Variants in NPAS2 observed in about 807,000 individuals in gnomAD.
The protein encoded by NPAS2 is neuronal PAS domain protein 2.
Under a neutral mutation model 107.5 loss-of-function variants are expected in NPAS2, and 23 were observed. The ratio of observed to expected loss-of-function variants is 0.21; its 90% CI spans 0.15 to 0.30. The LOEUF is 0.30. Among genes scored for constraint, NPAS2 ranks in the 10% least tolerant of loss-of-function variants. The probability of loss-of-function intolerance (pLI) is 1.00; values close to 1 mark genes in which losing one functional copy is unlikely to be tolerated. For missense variants in NPAS2, 756 were observed against 1,043.3 expected, an observed-to-expected ratio of 0.72 and a Z score of 3.79; for synonymous variants, 403 against 417.5, an observed-to-expected ratio of 0.97 and a Z score of 0.42.
chr2:100,980,516 C>T (rs1677373317), intron 15 of NPAS2, among the ~76,000 whole-genome samples: 1 of 152,036 alleles, frequency 6.6e-6, no homozygotes, highest in Admixed American at 6.6e-5. Context: ...GTTGCCCAGG[C>T]TGGAGTGCAG....
At chr2:100,933,299 G>C (rs3754674) in intron 4 of NPAS2, among the ~76,000 whole-genome samples, 50,482 of 152,040 alleles carry the variant, frequency 0.33, 8,652 homozygotes, top group Non-Finnish European at 0.39. Context: ...GTTCGAGGTA[G>C]GTAGAGAGAG....
intron 1 of NPAS2, among the ~76,000 whole-genome samples, chr2:100,845,044 G>T (rs893945641): frequency 6.6e-6 from 1 of 152,208 alleles, no homozygotes; most frequent in Non-Finnish European, 1.5e-5. Context: ...ACAGTGGAAA[G>T]AAGGGAAGGC....
At chr2:100,955,649 G>C (rs972084364) in intron 7 of NPAS2, among the ~76,000 whole-genome samples, 2 of 151,696 alleles carry the variant, frequency 1.3e-5, no homozygotes, top group African/African-American at 4.8e-5. Flanking sequence ...ACTGGATTGT[G>C]TCACTCCTGG....
intron 1 of NPAS2, among the ~76,000 whole-genome samples, chr2:100,823,924 A>C (rs150481685): frequency 6.6e-6 from 1 of 152,272 alleles, no homozygotes; most frequent in East Asian, 1.9e-4. Flanking sequence ...GCAAGAAATA[A>C]AATGCAGATT....
At chr2:100,936,380 T>C (rs1684300272) in intron 4 of NPAS2, among the ~76,000 whole-genome samples, 1 of 152,202 alleles carries the variant, frequency 6.6e-6, no homozygotes, top group African/African-American at 2.4e-5. Flanking sequence ...TTCACTTTTT[T>C]TCCTAAGCAG....
At chr2:100,917,671 T>A (rs962923358) in intron 2 of NPAS2, among the ~76,000 whole-genome samples, 1 of 152,178 alleles carries the variant, frequency 6.6e-6, no homozygotes, top group Admixed American at 6.5e-5. Flanking sequence ...AAGGAAATAC[T>A]ATGAACAATT....
intron 2 of NPAS2, among the ~76,000 whole-genome samples, chr2:100,924,138 G>A (rs534336756): frequency 2.6e-5 from 4 of 152,172 alleles, no homozygotes; most frequent in Non-Finnish European, 5.9e-5. Flanking sequence ...AAGACACAGA[G>A]CGTTCCCATA....
chr2:100,849,332 A>G (rs908907314), intron 1 of NPAS2, among the ~76,000 whole-genome samples: 1 of 152,154 alleles, frequency 6.6e-6, no homozygotes, highest in Non-Finnish European at 1.5e-5. Context: ...CCTAATTGTG[A>G]CACCAATAAA....
chr2:100,900,279 A>G (rs920911889), intron 1 of NPAS2, among the ~76,000 whole-genome samples: 4 of 152,192 alleles, frequency 2.6e-5, no homozygotes, highest in African/African-American at 9.6e-5. Context: ...TTTTTTAAGC[A>G]GGCAAAAGAA....
intron 5 of NPAS2, among the ~76,000 whole-genome samples, chr2:100,942,226 T>C (rs982137161): frequency 6.6e-6 from 1 of 152,090 alleles, no homozygotes; most frequent in Non-Finnish European, 1.5e-5. Flanking sequence ...GAATGGGATA[T>C]GGAGCCAAGT....
At chr2:100,899,873 G>A (rs1681661298) in intron 1 of NPAS2, among the ~76,000 whole-genome samples, 1 of 152,190 alleles carries the variant, frequency 6.6e-6, no homozygotes, top group South Asian at 2.1e-4. Flanking sequence ...AACTATTCTG[G>A]AGGGATGTCC....
chr2:100,879,917 C>T (rs1680225117), intron 1 of NPAS2, among the ~76,000 whole-genome samples: 1 of 152,116 alleles, frequency 6.6e-6, no homozygotes, highest in Admixed American at 6.5e-5. Context: ...GCTGGTCCCT[C>T]CACACAGGGA....
Position 100,835,612 on chromosome 2 carries a change from G to A in NPAS2, c.-23+15198G>A, listed in dbSNP as rs143497747. Among the ~76,000 whole-genome samples, 31 of 152,290 alleles carry A rather than the reference G, an allele frequency of 2.0e-4. No homozygotes were observed. The East Asian group carries it at 6.0e-3, about 29-fold the overall frequency. ...CCAGCTTTCCAAAATTGTTTCTCTG[G>A]CTGTAATAAGGATTGTTAAATCAGG... is the stretch of plus-strand genomic sequence containing the variant. On this transcript the variant is annotated intron_variant, in intron 1 of 20. Transcript: ENST00000335681.
In NPAS2 at chr2:100,996,494, T is replaced by G. The variant is rs942817236; in HGVS notation, c.*912T>G. On this transcript the variant is annotated 3_prime_UTR_variant, in exon 21 of 21. Transcript: ENST00000335681. ...AGGAGACCCTGCCACATGCTGGCCC[T>G]TTGAGTGAGAATGCTGCATCTTTCT... is the stretch of plus-strand genomic sequence containing the variant. 1 of 152,638 alleles carries G rather than the reference T, an allele frequency of 6.6e-6. No homozygotes were observed. 9.5% of individuals were successfully genotyped at this position (152,638 alleles called of 1,614,324 possible). A position where few individuals can be genotyped will look rare whatever the true frequency, so the allele number is the denominator to read the frequency against.
At chr2:100,888,355 A>G (rs1254993012) in intron 1 of NPAS2, among the ~76,000 whole-genome samples, 1 of 152,072 alleles carries the variant, frequency 6.6e-6, no homozygotes, top group Non-Finnish European at 1.5e-5. Context: ...AGAAGCAGAA[A>G]CAGAAGAGGA....
chr2:100,975,293 A>T (rs1209567802), intron 13 of NPAS2, 165 bp from the exon 14 acceptor site: 1 of 674,600 alleles, frequency 1.5e-6, no homozygotes, highest in Non-Finnish European at 2.6e-6. Context: ...ACCTGCTCCC[A>T]GGCTGGGCTT....
intron 11 of NPAS2, chr2:100,970,761 GA>G (rs757360560): frequency 5.8e-5 from 24 of 413,002 alleles, no homozygotes; most frequent in Non-Finnish European, 9.9e-5. Flanking sequence ...AGACATCCTG[GA>G]AATAAAAAGA....
intron 12 of NPAS2, 104 bp downstream of exon 12, chr2:100,971,178 C>A: frequency 1.9e-6 from 2 of 1,046,368 alleles, no homozygotes; most frequent in South Asian, 1.4e-5. Flanking sequence ...TGGAAGGGTA[C>A]AACCAAGCTA....
At chr2:100,981,112 C>T (rs1677409229) in intron 15 of NPAS2, among the ~76,000 whole-genome samples, 1 of 152,140 alleles carries the variant, frequency 6.6e-6, no homozygotes, top group Non-Finnish European at 1.5e-5. Context: ...TTTGCTGCTT[C>T]AAAAGCTATG....
Sources: allele counts gnomAD v4.1 joint callset (sites outside exome capture counted in the v4.1 genomes callset), GRCh38; gene constraint gnomAD v4.1.1; transcripts MANE v1.5; gene names NCBI Gene and HGNC (gene_info 2026-07-23, HGNC 2026-07-21).